Variants in IGF2R observed in about 807,000 individuals in gnomAD.
IGF2R encodes cation-independent mannose-6-phosphate receptor.
A neutral mutation model predicts 270.6 loss-of-function variants in IGF2R; 91 were observed. The ratio of observed to expected loss-of-function variants is 0.34; its 90% confidence interval spans 0.28 to 0.40. The LOEUF is 0.40. Among genes scored for constraint, IGF2R ranks in the 10% least tolerant of loss-of-function variants. The pLI, the probability that IGF2R is intolerant of heterozygous loss-of-function variation, is 1.00. For synonymous variants in IGF2R, 1,316 were observed against 1,258.9 expected (o/e 1.05, Z -0.96); for missense variants, 2,805 against 3,188.3 (o/e 0.88, Z 2.90).
At chr6:160,085,606 T>A (rs1056624280) in intron 41 of IGF2R, among the ~76,000 whole-genome samples, 7 of 152,262 alleles carry the variant, frequency 4.6e-5, no homozygotes, top group Non-Finnish European at 1.0e-4. Flanking sequence ...AAAGTTGTTT[T>A]CTTTCATTAT....
chr6:160,094,223 C>A, intron 44 of IGF2R: 2 of 332,806 alleles, frequency 6.0e-6, no homozygotes, highest in South Asian at 5.1e-5. Context: ...AGTATCCATT[C>A]GCCAGTTCTT....
chr6:160,061,894 C>T lies in IGF2R; in HGVS notation c.3548C>T (p.Ser1183Phe). ...NGDKCGNQRF[S>F]TRITFECAQI... Reference sequence around the variant, plus strand: ...GACAAGTGTGGGAACCAGCGCTTCTCCACCAGGATCACGTTTGAGTGTGCT... The same window carrying T: ...GACAAGTGTGGGAACCAGCGCTTCTTCACCAGGATCACGTTTGAGTGTGCT... The change falls in exon 25 of 48, where the codon TCC becomes TTC. Residue 1183 changes from serine (S) to phenylalanine (F), a missense_variant. Coordinates refer to ENST00000356956, the MANE Select transcript of IGF2R (RefSeq NM_000876.4). The T allele has an allele frequency of 6.2e-7, 1 of 1,614,136 alleles. No homozygotes were observed. The highest frequency in any genetic ancestry group is 8.5e-7 in the Non-Finnish European group (1 of 1,180,018).
rs762895770 is a variant in IGF2R, at chr6:160,088,088, C to T, written c.6261C>T (p.Thr2087=). Residue 2087 remains threonine, a synonymous_variant, in exon 42 of 48, where the codon ACC becomes ACT. Transcript: ENST00000356956. ...GTTATCCGTGTGGTGGAAATAAGACCGCATCCTCCGTGATAGAATTGACCT... is the reference window on the plus strand; with the variant it reads ...GTTATCCGTGTGGTGGAAATAAGACTGCATCCTCCGTGATAGAATTGACCT... ...SKGYPCGGNK[T]ASSVIELTCT... 3.3e-5 allele frequency: 54 copies of T among 1,613,852 alleles called. No homozygotes were observed. Among genetic ancestry groups the T allele is most frequent in the East Asian group, 4.5e-5 (2 of 44,900 alleles).
At chr6:160,008,181 A>G (rs952440204) in intron 2 of IGF2R, among the ~76,000 whole-genome samples, 1 of 152,200 alleles carries the variant, frequency 6.6e-6, no homozygotes, top group Admixed American at 6.5e-5. Context: ...GGGTTGGACA[A>G]GCTTGTGTTT....
chr6:160,012,775 T>TTTTTG (rs1784358373), intron 4 of IGF2R, among the ~76,000 whole-genome samples: 2 of 127,956 alleles, frequency 1.6e-5, no homozygotes, highest in African/African-American at 5.8e-5. Flanking sequence ...TTTTTTTTTT[T>TTTTTG]TTTGTTTGTT....
At chr6:160,056,889 G>A (rs935479182) in intron 20 of IGF2R, among the ~76,000 whole-genome samples, 22 of 152,184 alleles carry the variant, frequency 1.4e-4, no homozygotes, top group Non-Finnish European at 1.9e-4. Flanking sequence ...CTCAGTGCCT[G>A]TCCCCTAGAG....
At position 159,999,187 on chromosome 6, in the gene IGF2R, A is replaced by G. The variant is rs113240191; in HGVS notation, c.289+7864A>G. The stretch of plus-strand genomic sequence containing the variant: ...TCCAGACCCAGGGATCATACACCAT[A>G]GGGAAGGGGTGGTTCAGAAGGAATG... On this transcript the variant is annotated intron_variant, in intron 2 of 47. Coordinates refer to ENST00000356956, the MANE Select transcript of IGF2R (RefSeq NM_000876.4). 5.9e-4 allele frequency among the ~76,000 whole-genome samples: 90 copies of G among 152,330 alleles called. 1 individual carries two copies. The highest frequency in any genetic ancestry group is 2.1e-3 in the African/African-American group (86 of 41,580).
rs1213134455 is a variant in IGF2R at position 160,034,606 on chromosome 6, T to G, written c.1315+84T>G. ...GTGTGCACAGGCGTGTTCTTGGAAGTGAACACTGAATGGAGGAGTCAGATG... is the reference window on the plus strand; with the variant it reads ...GTGTGCACAGGCGTGTTCTTGGAAGGGAACACTGAATGGAGGAGTCAGATG... On this transcript the variant is annotated intron_variant, in intron 10 of 47. Transcript: ENST00000356956. 5.1e-5 allele frequency: 45 copies of G among 885,660 alleles called. No homozygotes were observed. In the East Asian group the frequency reaches 1.1e-3, roughly 22 times the overall value. 54.9% of individuals were successfully genotyped at this position (885,660 alleles called of 1,614,324 possible). A position where few individuals can be genotyped will look rare whatever the true frequency, so the allele number is the denominator to read the frequency against.
Position 160,069,792 on chromosome 6 carries a change from A to G in IGF2R, c.4253-76A>G, listed in dbSNP as rs576087722. ...TATGAAGTTCTGCAGCGTGTGTGAC[A>G]TTTATTGCCTGATGAAGTTCTGTTC... On this transcript the variant is annotated intron_variant, in intron 30 of 47. Transcript: ENST00000356956. 1.5e-5 allele frequency: 20 copies of G among 1,371,594 alleles called. No individual in the cohort carries two copies. In the South Asian group the frequency reaches 2.1e-4, roughly 14 times the overall value. 85.0% of individuals were successfully genotyped at this position (1,371,594 alleles called of 1,614,324 possible).
In IGF2R at chr6:160,061,642, C is replaced by T; in HGVS notation, c.3402C>T (p.Cys1134=). Residue 1134 remains cysteine, a synonymous_variant, in exon 24 of 48, where the codon TGC becomes TGT. Coordinates refer to ENST00000356956, the MANE Select transcript of IGF2R (RefSeq NM_000876.4). ...ATCCTCTCCCTTACATTCCTGGATG[C>T]CAGGGTGAGTTCTCCTTGGTCTCTT... is the stretch of plus-strand genomic sequence containing the variant. ...VCNPLPYIPG[C]QGSAVGSCLV... 1 of 1,614,096 alleles carries T rather than the reference C, an allele frequency of 6.2e-7. No homozygotes were observed. The highest frequency in any genetic ancestry group is 2.2e-5 in the East Asian group (1 of 44,876).
rs1338673926 is a variant in IGF2R, at chr6:160,029,610, C to T, written c.837C>T (p.Ser279=). Residue 279 remains serine (S), a synonymous_variant, in exon 7 of 48, where the codon AGC becomes AGT. Coordinates refer to ENST00000356956, the MANE Select transcript of IGF2R (RefSeq NM_000876.4). ...AGCTAGACTTTTGTGATGGTCACAG[C>T]CCTGCGGTGACTATTACATTTGTTT... ...AGKLDFCDGH[S]PAVTITFVCP... is the part of the protein sequence containing the mutation. 2 of 1,614,066 alleles carry T rather than the reference C, an allele frequency of 1.2e-6. No individual in the cohort carries two copies. Among genetic ancestry groups the T allele is most frequent in the Non-Finnish European group, 1.7e-6 (2 of 1,179,906 alleles).
At position 160,047,262 on chromosome 6, in the gene IGF2R, A is replaced by G; in HGVS notation, c.2155A>G (p.Arg719Gly). ...YRGGTPYNNE[R>G]HTPRATLITF... ...AGGCGGCACACCCTATAACAATGAAAGACACACACCGAGAGCTACGCTCAT... is the reference window on the plus strand; with the variant it reads ...AGGCGGCACACCCTATAACAATGAAGGACACACACCGAGAGCTACGCTCAT... Residue 719 changes from arginine to glycine, a missense_variant, in exon 16 of 48, where the codon AGA becomes GGA. By Grantham distance (125) the Arg-to-Gly change is moderately radical. Around this residue, in one of 2 missense-constraint regions of IGF2R, gnomAD observed 954 missense variants for 981.1 expected, o/e 0.97. Transcript: ENST00000356956. 7 of 1,613,016 alleles carry G rather than the reference A, an allele frequency of 4.3e-6. No homozygotes were observed. Among genetic ancestry groups the G allele is most frequent in the Non-Finnish European group, 5.9e-6 (7 of 1,179,702 alleles).
Position 160,047,238 on chromosome 6 carries a change from G to A in IGF2R, c.2131G>A (p.Gly711Ser), listed in dbSNP as rs748811238. The A allele has an allele frequency of 3.7e-6, 6 of 1,614,050 alleles. No individual in the cohort carries two copies. In the African/African-American group the frequency reaches 5.3e-5, roughly 14 times the overall value. Residue 711 changes from glycine to serine, a missense_variant, in exon 16 of 48, where the codon GGC (glycine) becomes AGC (serine). Transcript: ENST00000356956. ...TGGGATGATCCAACTGAACTACAGAGGCGGCACACCCTATAACAATGAAAG... is the reference window on the plus strand; with the variant it reads ...TGGGATGATCCAACTGAACTACAGAAGCGGCACACCCTATAACAATGAAAG... ...YDGMIQLNYR[G>S]GTPYNNERHT...
chr6:160,014,224 C>T (rs1777226673), intron 4 of IGF2R, among the ~76,000 whole-genome samples: 1 of 152,222 alleles, frequency 6.6e-6, no homozygotes, highest in African/African-American at 2.4e-5. Context: ...AACTGGCCTG[C>T]TAGCAGTCTT....
chr6:160,013,410 T>TAA (rs34643864), intron 4 of IGF2R, among the ~76,000 whole-genome samples: 130 of 87,710 alleles, frequency 1.5e-3, no homozygotes, highest in African/African-American at 4.5e-3. Context: ...TGGTTCTTTG[T>TAA]AAAAAAAAAA....
intron 18 of IGF2R, among the ~76,000 whole-genome samples, chr6:160,049,600 G>T (rs1053346272): frequency 2.0e-5 from 3 of 152,200 alleles, no homozygotes; most frequent in African/African-American, 4.8e-5. Flanking sequence ...GCACTGCCTG[G>T]TAAGGTCTCC....
At chr6:159,982,639 T>G (rs1783823644) in intron 1 of IGF2R, among the ~76,000 whole-genome samples, 1 of 152,242 alleles carries the variant, frequency 6.6e-6, no homozygotes. Context: ...TTATCTTGCT[T>G]TATTAATTGC....
At chr6:160,001,747 G>T (rs1784132674) in intron 2 of IGF2R, among the ~76,000 whole-genome samples, 1 of 152,112 alleles carries the variant, frequency 6.6e-6, no homozygotes, top group Admixed American at 6.5e-5. Context: ...TTTTCCTTAG[G>T]CAAACAATAT....
chr6:160,083,279 G>C (rs1285498355), intron 39 of IGF2R, among the ~76,000 whole-genome samples: 2 of 152,152 alleles, frequency 1.3e-5, no homozygotes, highest in African/African-American at 4.8e-5. Context: ...ACATCTCAGC[G>C]GAGTAAAGAA....
Sources: allele counts gnomAD v4.1 joint callset (sites outside exome capture counted in the v4.1 genomes callset), GRCh38; gene constraint gnomAD v4.1.1; regional missense constraint gnomAD v4.1.1; transcripts MANE v1.5; gene names NCBI Gene and HGNC (gene_info 2026-07-23, HGNC 2026-07-21).